NEK11: variants seen among roughly 807,000 people sequenced by gnomAD.
NEK11 encodes the protein NIMA related kinase 11, also known as serine/threonine-protein kinase Nek11.
Under a neutral mutation model 80.7 loss-of-function variants are expected in NEK11, and 72 were observed. The observed-to-expected ratio is 0.89, with a 90% confidence interval of 0.74 to 1.08. NEK11 has a LOEUF of 1.08. Ranked by LOEUF, NEK11 falls within the 50% of genes least tolerant of loss-of-function variation. NEK11 has a pLI of 0.00. For missense variants in NEK11, 764 were observed against 763.6 expected, an observed-to-expected ratio of 1.00 and a Z score of -0.01; for synonymous variants, 251 against 260.7, an observed-to-expected ratio of 0.96 and a Z score of 0.36.
intron 17 of NEK11, among the ~76,000 whole-genome samples, chr3:131,341,114 A>T (rs749288029): frequency 1.4e-4 from 21 of 152,212 alleles, no homozygotes; most frequent in Non-Finnish European, 2.8e-4. Flanking sequence ...GTCCTCTTAA[A>T]TTGAATTTCT....
intron 14 of NEK11, chr3:131,184,638 C>A (rs996947128): frequency 2.7e-5 from 11 of 411,710 alleles, no homozygotes; most frequent in Non-Finnish European, 3.7e-5. Context: ...TAACAAGTTG[C>A]CAGGAGAGGA....
In NEK11 at chr3:131,082,888, A is replaced by G. The variant is rs568056472; in HGVS notation, c.336+2300A>G. 4.6e-5 allele frequency among the ~76,000 whole-genome samples: 7 copies of G among 152,322 alleles called. No individual in the cohort carries two copies. The South Asian group carries it at 1.0e-3, about 23-fold the overall frequency. ...GACATGATGCTCCTTTGTCCTAAAT[A>G]TAATACAGCTGTGAGTATTTTCTAA... On this transcript the variant is annotated intron_variant, in intron 4 of 17. Transcript: ENST00000383366.
chr3:131,276,926 G>A (rs915831430), intron 17 of NEK11, among the ~76,000 whole-genome samples: 5 of 152,186 alleles, frequency 3.3e-5, no homozygotes, highest in Non-Finnish European at 7.3e-5. Flanking sequence ...TCTCTTTGGT[G>A]TATTTACTCT....
At chr3:131,243,228 C>G (rs932047748) in intron 15 of NEK11, among the ~76,000 whole-genome samples, 10 of 151,988 alleles carry the variant, frequency 6.6e-5, no homozygotes, top group Non-Finnish European at 1.3e-4. Flanking sequence ...TTTGCCATGA[C>G]AGATAGAGCA....
chr3:131,121,131 G>A (rs1578613234), intron 5 of NEK11, among the ~76,000 whole-genome samples: 1 of 152,132 alleles, frequency 6.6e-6, no homozygotes, highest in Non-Finnish European at 1.5e-5. Flanking sequence ...TCTCCCTTTG[G>A]TCTTTGATGA....
At chr3:131,069,036 TA>T (rs1334583058) in intron 3 of NEK11, among the ~76,000 whole-genome samples, 1 of 152,160 alleles carries the variant, frequency 6.6e-6, no homozygotes, top group Non-Finnish European at 1.5e-5. Context: ...TTTAGAATTA[TA>T]AACTTTTGCT....
intron 17 of NEK11, among the ~76,000 whole-genome samples, chr3:131,336,895 C>T (rs574741764): frequency 7.8e-4 from 119 of 152,178 alleles, no homozygotes; most frequent in African/African-American, 2.7e-3. Flanking sequence ...CAGAGAAATG[C>T]AAATCAAAAC....
At chr3:131,120,519 T>C (rs973404169) in intron 5 of NEK11, among the ~76,000 whole-genome samples, 2 of 152,222 alleles carry the variant, frequency 1.3e-5, no homozygotes, top group Non-Finnish European at 2.9e-5. Context: ...ATTTGAATAT[T>C]GGCCTGCCTT....
At chr3:131,124,460 T>G (rs1464018613) in intron 5 of NEK11, among the ~76,000 whole-genome samples, 1 of 152,126 alleles carries the variant, frequency 6.6e-6, no homozygotes, top group East Asian at 1.9e-4. Flanking sequence ...GTTTTGTATC[T>G]AACTCAGCAA....
At chr3:131,160,045 A>T (rs898740134) in intron 10 of NEK11, among the ~76,000 whole-genome samples, 58 of 152,344 alleles carry the variant, frequency 3.8e-4, no homozygotes, top group African/African-American at 1.3e-3. Flanking sequence ...CTAGCTAAAG[A>T]GGTCAACACT....
chr3:131,183,184 GT>G (rs2093442807), intron 14 of NEK11, among the ~76,000 whole-genome samples: 1 of 152,168 alleles, frequency 6.6e-6, no homozygotes, highest in Admixed American at 6.5e-5. Flanking sequence ...ATTTTAAAAT[GT>G]TTCCCTTGGC....
At chr3:131,151,343 A>T (rs2089603808) in intron 7 of NEK11, among the ~76,000 whole-genome samples, 1 of 152,088 alleles carries the variant, frequency 6.6e-6, no homozygotes, top group South Asian at 2.1e-4. Context: ...CAGTCAGCTC[A>T]GTTGGAAATA....
intron 17 of NEK11, among the ~76,000 whole-genome samples, chr3:131,300,148 A>G (rs773390207): frequency 1.3e-5 from 2 of 152,072 alleles, no homozygotes; most frequent in Non-Finnish European, 2.9e-5. Flanking sequence ...AGCATATTTC[A>G]TATGTTTGTT....
chr3:131,162,159 G>A (rs1407788143), intron 10 of NEK11, among the ~76,000 whole-genome samples: 1 of 152,166 alleles, frequency 6.6e-6, no homozygotes, highest in African/African-American at 2.4e-5. Context: ...CTAGTCATTG[G>A]CGATGAAATG....
At chr3:131,146,962 A>G (rs756678459) in intron 7 of NEK11, among the ~76,000 whole-genome samples, 4 of 152,042 alleles carry the variant, frequency 2.6e-5, no homozygotes, top group Non-Finnish European at 5.9e-5. Flanking sequence ...TGAATTGCAA[A>G]TATCTTACAC....
intron 16 of NEK11, among the ~76,000 whole-genome samples, chr3:131,248,472 T>C (rs1216318528): frequency 6.6e-6 from 1 of 152,102 alleles, no homozygotes; most frequent in Non-Finnish European, 1.5e-5. Flanking sequence ...GGTTTGGGTC[T>C]GGAAAAATGC....
At chr3:131,301,585 A>C (rs1357897216) in intron 17 of NEK11, among the ~76,000 whole-genome samples, 1 of 151,938 alleles carries the variant, frequency 6.6e-6, no homozygotes, top group Non-Finnish European at 1.5e-5. Flanking sequence ...TTTTAACATG[A>C]ACATATGTTG....
intron 17 of NEK11, among the ~76,000 whole-genome samples, chr3:131,292,469 T>A (rs562762568): frequency 1.8e-4 from 28 of 152,340 alleles, no homozygotes; most frequent in South Asian, 2.1e-4. Context: ...GGGATTTTTA[T>A]TGGGATTGCT....
intron 3 of NEK11, among the ~76,000 whole-genome samples, chr3:131,071,601 CTT>C (rs1457191918): frequency 6.6e-6 from 1 of 151,760 alleles, no homozygotes; most frequent in Non-Finnish European, 1.5e-5. Flanking sequence ...TTTTAAATAA[CTT>C]AAAAAATTTT....
Sources: allele counts gnomAD v4.1 joint callset (sites outside exome capture counted in the v4.1 genomes callset), GRCh38; gene constraint gnomAD v4.1.1; transcripts MANE v1.5; gene names NCBI Gene and HGNC (gene_info 2026-07-23, HGNC 2026-07-21).